The following CRYBA4 variants were observed in gnomAD, a reference collection of about 807,000 sequenced individuals.
CRYBA4 encodes the protein crystallin beta A4, also known as beta-crystallin A4.
A neutral mutation model predicts 31.7 loss-of-function variants in CRYBA4; 30 were observed. The observed-to-expected ratio is 0.95, with a 90% CI of 0.71 to 1.28. The LOEUF (loss-of-function observed/expected upper bound fraction) is 1.28, where lower values mean the gene tolerates loss of function less well. Among genes scored for constraint, CRYBA4 ranks in the 50% most tolerant of loss-of-function variants. The pLI is 0.00. For synonymous variants in CRYBA4, 102 were observed against 102.3 expected (o/e 1.00, Z 0.02); for missense variants, 225 against 260.7 (o/e 0.86, Z 0.94).
At chr22:26,627,374 T>TTCTC (rs1267622245) in intron 4 of CRYBA4, among the ~76,000 whole-genome samples, 3 of 60,402 alleles carry the variant, frequency 5.0e-5, no homozygotes, top group Admixed American at 2.0e-4. Flanking sequence ...CTTTCTTTCT[T>TTCTC]TCTTTCTTTC....
the CRYBA4 span, among the ~76,000 whole-genome samples, chr22:26,614,456 C>T: frequency 4.6e-5 from 7 of 152,138 alleles, no homozygotes; most frequent in Admixed American, 1.3e-4. Flanking sequence ...GCAGGTTCCC[C>T]GATACCAGGA....
chr22:26,623,766 A>T lies in CRYBA4; in HGVS notation c.158+414A>T, dbSNP rs200720765. Among the ~76,000 whole-genome samples, 18 of 5,238 alleles carry T rather than the reference A, an allele frequency of 3.4e-3. 1 individual carries two copies. The highest frequency in any genetic ancestry group is 1.7e-3 in the Non-Finnish European group (4 of 2,378). 3.4% of individuals were successfully genotyped at this position (5,238 alleles called of 152,430 possible). The stretch of plus-strand genomic sequence containing the variant: ...AGCATGTGGCCTGATCATTTTTTGT[A>T]AAAAAAAAAAAAATTAAAAAACAAA... On this transcript the variant is annotated intron_variant, in intron 3 of 5. Transcript: ENST00000354760.
chr22:26,601,518 T>C, the CRYBA4 span, among the ~76,000 whole-genome samples: 85,941 of 150,508 alleles, frequency 0.57, 24,955 homozygotes, highest in East Asian at 0.76. Flanking sequence ...CCCAGAAGCT[T>C]CTGATTTCCC....
At position 26,623,305 on chromosome 22, in the gene CRYBA4, G is replaced by A. The variant is rs775256107; in HGVS notation, c.111G>A (p.Leu37=). 5 of 1,614,128 alleles carry A rather than the reference G, an allele frequency of 3.1e-6. No individual in the cohort carries two copies. Among genetic ancestry groups the A allele is most frequent in the South Asian group, 2.2e-5 (2 of 91,082 alleles). ...HEFTAECPSV[L]ELGFETVRSL... Reference sequence around the variant, plus strand: ...TCACGGCCGAGTGCCCCAGCGTGCTGGAGCTTGGCTTCGAGACTGTGCGAT... The same window carrying A: ...TCACGGCCGAGTGCCCCAGCGTGCTAGAGCTTGGCTTCGAGACTGTGCGAT... The change falls in exon 3 of 6, where the codon CTG becomes CTA. Residue 37 remains leucine (L), a synonymous_variant. Coordinates refer to ENST00000354760, the MANE Select transcript of CRYBA4 (RefSeq NM_001886.3).
the CRYBA4 span, chr22:26,616,039 G>C: frequency 1.7e-5 from 15 of 907,672 alleles, no homozygotes; most frequent in East Asian, 3.4e-4. Context: ...AGGTGCGGAG[G>C]AGTAAGAGGT....
chr22:26,611,499 G>A, the CRYBA4 span, among the ~76,000 whole-genome samples: 23 of 144,030 alleles, frequency 1.6e-4, no homozygotes, highest in African/African-American at 5.9e-4. Context: ...ACGGAGTCTC[G>A]CTCTGTCGCC....
At chr22:26,627,507 TCTTTCTTTCTTTC>T (rs1328058037) in intron 4 of CRYBA4, among the ~76,000 whole-genome samples, 1 of 132,174 alleles carries the variant, frequency 7.6e-6, no homozygotes, top group Non-Finnish European at 1.6e-5. Context: ...TTTCTTTCTT[TCTTTCTTTCTTTC>T]TTTCTCTTTC....
intron 5 of CRYBA4, 129 bp downstream of exon 5, chr22:26,628,559 C>A: frequency 9.1e-7 from 1 of 1,098,994 alleles, no homozygotes; most frequent in Non-Finnish European, 1.3e-6. Flanking sequence ...AACACTGAGG[C>A]ACAGGGAGGT....
chr22:26,629,190 T>C (rs150538278), intron 5 of CRYBA4, among the ~76,000 whole-genome samples: 24 of 152,198 alleles, frequency 1.6e-4, no homozygotes, highest in Admixed American at 1.4e-3. Flanking sequence ...GAGATTCTTA[T>C]TTAGGGAGGA....
upstream of CRYBA4, among the ~76,000 whole-genome samples, chr22:26,619,319 C>T (rs759080565): frequency 2.6e-5 from 4 of 152,068 alleles, no homozygotes; most frequent in Non-Finnish European, 4.4e-5. Context: ...AGCCTCAGGA[C>T]GGAGGAACAG....
At chr22:26,625,825 A>G (rs1286082131) in intron 4 of CRYBA4, among the ~76,000 whole-genome samples, 1 of 152,220 alleles carries the variant, frequency 6.6e-6, no homozygotes, top group Non-Finnish European at 1.5e-5. Context: ...AGAAGAACGT[A>G]TAACATCTGA....
upstream of CRYBA4, among the ~76,000 whole-genome samples, chr22:26,616,980 C>T (rs1473111668): frequency 6.6e-6 from 1 of 152,228 alleles, no homozygotes. Context: ...TTGCTCTGCA[C>T]CTGGCACATA....
the CRYBA4 span, among the ~76,000 whole-genome samples, chr22:26,599,943 A>C: frequency 6.6e-6 from 1 of 152,200 alleles, no homozygotes. Context: ...AATGCACCTC[A>C]AGTGTTTGCT....
At chr22:26,611,594 C>T in the CRYBA4 span, among the ~76,000 whole-genome samples, 5 of 152,062 alleles carry the variant, frequency 3.3e-5, no homozygotes, top group South Asian at 1.0e-3. Context: ...CCTGCCTCAG[C>T]CTCCCGAGTA....
the CRYBA4 span, among the ~76,000 whole-genome samples, chr22:26,607,719 A>G: frequency 6.6e-6 from 1 of 152,150 alleles, no homozygotes; most frequent in East Asian, 1.9e-4. Flanking sequence ...GAGTGTGTTA[A>G]GGACACTGAT....
chr22:26,608,144 G>C, the CRYBA4 span: 24 of 1,407,880 alleles, frequency 1.7e-5, no homozygotes, highest in Middle Eastern at 1.8e-4. Context: ...AAGTCCAAAG[G>C]GGGCTGAACA....
chr22:26,607,612 A>G, the CRYBA4 span, among the ~76,000 whole-genome samples: 1 of 150,466 alleles, frequency 6.6e-6, no homozygotes, highest in Middle Eastern at 3.6e-3. Flanking sequence ...GCAGCCAGGG[A>G]TATCAAGAGA....
chr22:26,593,493 AT>A, the CRYBA4 span, among the ~76,000 whole-genome samples: 1 of 151,540 alleles, frequency 6.6e-6, no homozygotes, highest in Non-Finnish European at 1.5e-5. Context: ...TTTAATTAAA[AT>A]TTTTTTAAAA....
the CRYBA4 span, among the ~76,000 whole-genome samples, chr22:26,609,359 G>GA: frequency 0.034 from 5,166 of 152,280 alleles, 151 homozygotes; most frequent in East Asian, 0.093. Context: ...GAGTAGAAGA[G>GA]AAATAAATGG....
Sources: allele counts gnomAD v4.1 joint callset (sites outside exome capture counted in the v4.1 genomes callset), GRCh38; gene constraint gnomAD v4.1.1; transcripts MANE v1.5; gene names NCBI Gene and HGNC (gene_info 2026-07-23, HGNC 2026-07-21).